Variants in NDST4 observed in about 807,000 individuals in gnomAD.
NDST4 encodes the protein N-heparan sulfate sulfotransferase 4.
A neutral mutation model predicts 100.8 loss-of-function variants in NDST4; 63 were observed. The ratio of observed to expected loss-of-function variants is 0.62; its 90% CI spans 0.51 to 0.77. The LOEUF (loss-of-function observed/expected upper bound fraction) is 0.77. Ranked by LOEUF, NDST4 falls within the 30% of genes least tolerant of loss-of-function variation. The pLI is 0.00. For missense variants in NDST4, 943 were observed against 1,018.4 expected (o/e 0.93, Z 1.01); for synonymous variants, 377 against 361.8 (o/e 1.04, Z -0.48).
intron 1 of NDST4, among the ~76,000 whole-genome samples, chr4:115,082,563 A>G (rs1182904357): frequency 6.6e-6 from 1 of 152,186 alleles, no homozygotes; most frequent in African/African-American, 2.4e-5. Context: ...GAGGCTCCTG[A>G]AAATTCAGCT....
intron 1 of NDST4, among the ~76,000 whole-genome samples, chr4:115,092,545 A>C (rs1002755588): frequency 1.3e-5 from 2 of 152,212 alleles, no homozygotes; most frequent in Non-Finnish European, 2.9e-5. Context: ...TCAAAACCAA[A>C]TAATTGAAAT....
intron 6 of NDST4, among the ~76,000 whole-genome samples, chr4:114,880,085 T>A (rs1243152288): frequency 1.3e-5 from 2 of 152,146 alleles, no homozygotes; most frequent in African/African-American, 4.8e-5. Context: ...CAGCAGTAAA[T>A]AGGGCAGCTG....
rs367584567 is a variant in NDST4, at chr4:115,076,303, G to A, written c.734C>T (p.Ser245Leu). The A allele has an allele frequency of 2.6e-5, 42 of 1,613,894 alleles. No individual in the cohort carries two copies. The East Asian group carries it at 2.9e-4, about 11-fold the overall frequency. ...AAAGAGTGTTTTGCTAGACAAGGAT[G>A]ACAGGGATTTTTCTGTCTGTAACTC... ...LTELQTEKSL[S>L]SLSSKTLFAT... Residue 245 changes from serine to leucine, a missense_variant, in exon 2 of 14, where the codon TCA becomes TTA. This residue lies in a region of NDST4 where 417 missense variants were observed against 384.2 expected (regional missense o/e 1.09). Transcript: ENST00000264363.
chr4:114,862,229 A>G (rs1457107512), intron 7 of NDST4, among the ~76,000 whole-genome samples: 1 of 152,182 alleles, frequency 6.6e-6, no homozygotes. Context: ...AAACTCCTAC[A>G]ACACACCATA....
At chr4:114,830,881 G>A (rs1723182190) in intron 12 of NDST4, among the ~76,000 whole-genome samples, 1 of 152,188 alleles carries the variant, frequency 6.6e-6, no homozygotes, top group Admixed American at 6.5e-5. Flanking sequence ...CTGTACATAT[G>A]TGAATTCATT....
In NDST4 at chr4:115,076,754, T is replaced by C. The variant is rs199620064; in HGVS notation, c.283A>G (p.Ile95Val). ...CGGCTGGACTCCAAAATAGCTATGATATCTTGACCGAGTTGAGAGTATTGG... is the reference window on the plus strand; with the variant it reads ...CGGCTGGACTCCAAAATAGCTATGACATCTTGACCGAGTTGAGAGTATTGG... ...ESQYSQLGQD[I>V]IAILESSRFQ... Residue 95 changes from isoleucine to valine, a missense_variant, in exon 2 of 14, where the codon ATC (isoleucine) becomes GTC (valine). Ile to Val is a conservative substitution (Grantham distance 29). Coordinates refer to ENST00000264363, the MANE Select transcript of NDST4 (RefSeq NM_022569.3). The C allele has an allele frequency of 6.2e-7, 1 of 1,614,004 alleles. No homozygotes were observed. The highest frequency in any genetic ancestry group is 8.5e-7 in the Non-Finnish European group (1 of 1,179,942).
At chr4:114,846,077 T>C (rs998694336) in intron 9 of NDST4, 80 bp from the exon 10 acceptor site, 12 of 1,046,478 alleles carry the variant, frequency 1.1e-5, no homozygotes, top group Non-Finnish European at 1.7e-5. Context: ...ATTGGAACAT[T>C]TTAATATTCA....
intron 2 of NDST4, among the ~76,000 whole-genome samples, chr4:115,045,358 T>C (rs1728442779): frequency 6.6e-6 from 1 of 152,230 alleles, no homozygotes. Flanking sequence ...AAAACCTCAC[T>C]AGCTAATTTA....
intron 6 of NDST4, among the ~76,000 whole-genome samples, chr4:114,927,216 TTGTG>T (rs10555403): frequency 0.11 from 16,292 of 147,916 alleles, 1,223 homozygotes; most frequent in East Asian, 0.4. Context: ...TTAACTTGAT[TTGTG>T]TGTGTGTGTG....
chr4:115,041,569 C>T (rs983046427), intron 2 of NDST4, among the ~76,000 whole-genome samples: 2 of 152,070 alleles, frequency 1.3e-5, no homozygotes, highest in African/African-American at 4.8e-5. Flanking sequence ...GAAGGATTAC[C>T]TCTGAATGAA....
chr4:114,929,037 T>TCC (rs1725440680), intron 6 of NDST4, among the ~76,000 whole-genome samples: 2 of 131,624 alleles, frequency 1.5e-5, no homozygotes, highest in African/African-American at 5.3e-5. Context: ...TCTGTCTGTC[T>TCC]GTCTGTCCGT....
chr4:115,085,875 G>A (rs1271410144), intron 1 of NDST4, among the ~76,000 whole-genome samples: 1 of 152,148 alleles, frequency 6.6e-6, no homozygotes, highest in Non-Finnish European at 1.5e-5. Flanking sequence ...TGAAAATGAA[G>A]TAGACCAGAA....
At chr4:114,870,988 T>A (rs1336011320) in intron 6 of NDST4, 38 bp from the exon 7 acceptor site, 1 of 1,540,648 alleles carries the variant, frequency 6.5e-7, no homozygotes, top group East Asian at 2.3e-5. Flanking sequence ...AAATATCATA[T>A]GCTTAAGCTT....
chr4:114,860,179 A>G (rs9999383), intron 7 of NDST4, among the ~76,000 whole-genome samples: 28,816 of 152,108 alleles, frequency 0.19, 4,896 homozygotes, highest in African/African-American at 0.46. Context: ...GCCAGTAAAC[A>G]ACATTCCTTA....
At chr4:115,101,878 T>G (rs1204328998) in intron 1 of NDST4, among the ~76,000 whole-genome samples, 1 of 152,286 alleles carries the variant, frequency 6.6e-6, no homozygotes, top group Non-Finnish European at 1.5e-5. Flanking sequence ...TCCCATGGAC[T>G]GACGTCATTA....
Position 115,009,474 on chromosome 4 carries a change from C to A in NDST4, c.979-32200G>T, listed in dbSNP as rs1167094619. On this transcript the variant is annotated intron_variant, in intron 2 of 13. Transcript: ENST00000264363. The stretch of plus-strand genomic sequence containing the variant: ...TAACAAATGGTGCTAGGAAAACTGG[C>A]TAGCCATATGTAGAAAGCTGAAACT... Among the ~76,000 whole-genome samples the A allele has an allele frequency of 1.6e-5, 2 of 125,710 alleles. 1 individual carries two copies. Among genetic ancestry groups the A allele is most frequent in the Admixed American group, 1.6e-4 (2 of 12,358 alleles). The allele number at this position is 125,710 out of a possible 152,430, so 82.5% of individuals were successfully genotyped here. A position where few individuals can be genotyped will look rare whatever the true frequency, so the allele number is the denominator to read the frequency against.
chr4:114,935,212 TAGA>T lies in NDST4; in HGVS notation c.1527_1529del (p.Leu510del), dbSNP rs763786766. On this transcript the variant is annotated inframe_deletion, in exon 6 of 14. Transcript: ENST00000264363. ...GCATACATAGAATACATACTGGGTT[TAGA>T]AGGATTGTGAGAAAAAGTTCACCTC... is the stretch of plus-strand genomic sequence containing the variant. 6.2e-7 allele frequency: 1 copy of T among 1,606,480 alleles called. No individual in the cohort carries two copies. The highest frequency in any genetic ancestry group is 1.1e-5 in the South Asian group (1 of 89,670).
Position 115,066,589 on chromosome 4 carries a change from A to T in NDST4, c.978+9470T>A, listed in dbSNP as rs189162613. ...AACAAGCAAAATTCTACTTACTAAA[A>T]CAATTTAATTGACACAGTGATACTC... On this transcript the variant is annotated intron_variant, in intron 2 of 13. Coordinates refer to ENST00000264363, the MANE Select transcript of NDST4 (RefSeq NM_022569.3). Among the ~76,000 whole-genome samples, 548 of 152,304 alleles carry T rather than the reference A, an allele frequency of 3.6e-3. 6 individuals are homozygous for T. The highest frequency in any genetic ancestry group is 0.013 in the African/African-American group (527 of 41,566).
Position 115,008,167 on chromosome 4 carries a change from G to A in NDST4, c.979-30893C>T, listed in dbSNP as rs924149092. 1.3e-4 allele frequency among the ~76,000 whole-genome samples: 17 copies of A among 129,510 alleles called. 3 individuals carry two copies. The highest frequency in any genetic ancestry group is 7.1e-4 in the Admixed American group (9 of 12,710). 85.0% of individuals were successfully genotyped at this position (129,510 alleles called of 152,430 possible). On this transcript the variant is annotated intron_variant, in intron 2 of 13. Coordinates refer to ENST00000264363, the MANE Select transcript of NDST4 (RefSeq NM_022569.3). ...TCTTGACTCTTTATCCAATTTGCCG[G>A]TCTGTGTCTTTTAATTGGAGCATTT...
Sources: allele counts gnomAD v4.1 joint callset (sites outside exome capture counted in the v4.1 genomes callset), GRCh38; gene constraint gnomAD v4.1.1; regional missense constraint gnomAD v4.1.1; transcripts MANE v1.5; gene names NCBI Gene and HGNC (gene_info 2026-07-23, HGNC 2026-07-21).